The following FRMD4B variants were observed in gnomAD, a reference collection of about 807,000 sequenced individuals.
The protein encoded by FRMD4B is FERM domain-containing protein 4B.
A neutral mutation model predicts 141.5 loss-of-function variants in FRMD4B; 74 were observed. That is an observed-to-expected ratio of 0.52 (90% confidence interval 0.43 to 0.63). FRMD4B has a LOEUF of 0.63. Ranked by LOEUF, FRMD4B falls within the 30% of genes least tolerant of loss-of-function variation. FRMD4B has a pLI of 0.00. For missense variants in FRMD4B, 1,366 were observed against 1,253.4 expected (o/e 1.09, Z -1.36); for synonymous variants, 506 against 467.9 (o/e 1.08, Z -1.05).
rs1230841500 is a variant in FRMD4B at position 69,169,938 on chromosome 3, T to TA, written c.*1922dup. 1 of 152,114 alleles carries TA rather than the reference T, an allele frequency of 6.6e-6. No individual in the cohort carries two copies. The highest frequency in any genetic ancestry group is 1.5e-5 in the Non-Finnish European group (1 of 68,020). The allele number at this position is 152,114 out of a possible 1,614,324, so 9.4% of individuals were successfully genotyped here. A position where few individuals can be genotyped will look rare whatever the true frequency, so the allele number is the denominator to read the frequency against. On this transcript the variant is annotated 3_prime_UTR_variant, in exon 23 of 23. Coordinates refer to ENST00000398540, the MANE Select transcript of FRMD4B (RefSeq NM_015123.3). Reference sequence around the variant, plus strand: ...TACAAATAAACAACATTCCCAAGATTAAAAAACCTAAAAGTTCTCACCAGT... The same window carrying TA: ...TACAAATAAACAACATTCCCAAGATTAAAAAAACCTAAAAGTTCTCACCAGT...
chr3:69,198,678 GA>G lies in FRMD4B; in HGVS notation c.953+19del. ...TTGTATAGTAACTGTGTCATACAGA[GA>G]AACGTCTTTGATCCTCACCTTCGTG... On this transcript the variant is annotated intron_variant, in intron 12 of 22. Coordinates refer to ENST00000398540, the MANE Select transcript of FRMD4B (RefSeq NM_015123.3). 1 of 1,316,048 alleles carries G rather than the reference GA, an allele frequency of 7.6e-7. No individual in the cohort carries two copies. 81.5% of individuals were successfully genotyped at this position (1,316,048 alleles called of 1,614,324 possible).
At chr3:69,542,483 G>C (rs1458794401) in exon 1 of FRMD4B, 1 of 153,276 alleles carries the variant, frequency 6.5e-6, no homozygotes, top group Non-Finnish European at 1.4e-5. Context: ...GGTCGCCCCC[G>C]CCACCGCCGC....
At chr3:69,442,769 G>C (rs570500776) in intron 1 of FRMD4B, among the ~76,000 whole-genome samples, 4 of 152,262 alleles carry the variant, frequency 2.6e-5, no homozygotes. Context: ...AACCAGACCT[G>C]CTTATGAAGC....
At chr3:69,189,020 G>A (rs555768637) in intron 18 of FRMD4B, among the ~76,000 whole-genome samples, 17 of 151,886 alleles carry the variant, frequency 1.1e-4, no homozygotes, top group African/African-American at 3.1e-4. Context: ...TCAGGAGTTC[G>A]AGACTAGCCT....
At chr3:69,172,761 T>C (rs962325638) in intron 22 of FRMD4B, among the ~76,000 whole-genome samples, 4 of 152,180 alleles carry the variant, frequency 2.6e-5, no homozygotes, top group African/African-American at 9.6e-5. Flanking sequence ...CATCCTATCA[T>C]ACAAACCATT....
intron 1 of FRMD4B, among the ~76,000 whole-genome samples, chr3:69,525,085 G>T (rs1218365610): frequency 1.3e-5 from 2 of 152,216 alleles, no homozygotes; most frequent in African/African-American, 2.4e-5. Flanking sequence ...TGCAACTGGG[G>T]CAGTGTTCAG....
At chr3:69,430,133 C>G (rs1054202725) in intron 2 of FRMD4B, among the ~76,000 whole-genome samples, 2 of 151,790 alleles carry the variant, frequency 1.3e-5, no homozygotes, top group African/African-American at 4.9e-5. Flanking sequence ...AAGAGTTCTG[C>G]TTGGTACTAT....
intron 1 of FRMD4B, among the ~76,000 whole-genome samples, chr3:69,446,415 C>T (rs952520703): frequency 2.6e-5 from 4 of 152,054 alleles, no homozygotes; most frequent in African/African-American, 7.3e-5. Context: ...TCACTGCAAC[C>T]TCTGCCTCCC....
At chr3:69,230,314 A>T (rs902105041) in intron 7 of FRMD4B, among the ~76,000 whole-genome samples, 1 of 152,194 alleles carries the variant, frequency 6.6e-6, no homozygotes, top group African/African-American at 2.4e-5. Flanking sequence ...TCTAGTTTAT[A>T]TGGAGATGAA....
intron 7 of FRMD4B, among the ~76,000 whole-genome samples, chr3:69,245,379 G>T (rs575504077): frequency 2.0e-5 from 3 of 151,078 alleles, no homozygotes; most frequent in Admixed American, 6.6e-5. Context: ...TTGCTCTGTT[G>T]CCCAGGCTGG....
At chr3:69,438,517 A>G (rs1473899957) in intron 1 of FRMD4B, among the ~76,000 whole-genome samples, 1 of 152,162 alleles carries the variant, frequency 6.6e-6, no homozygotes, top group Non-Finnish European at 1.5e-5. Flanking sequence ...ACATCACTTG[A>G]ATGTGTCATT....
At chr3:69,410,726 A>AATAAATAAAT (rs1559519781) in intron 2 of FRMD4B, among the ~76,000 whole-genome samples, 12 of 86,290 alleles carry the variant, frequency 1.4e-4, no homozygotes, top group African/African-American at 4.1e-4. Flanking sequence ...TAAATAAATA[A>AATAAATAAAT]ATATATATAT....
chr3:69,535,754 A>G, intron 1 of FRMD4B: 1 of 459,632 alleles, frequency 2.2e-6, no homozygotes, highest in Non-Finnish European at 4.5e-6. Flanking sequence ...GTCTTCCTAG[A>G]CAGGTGTGCA....
At chr3:69,313,969 C>T (rs1202552641) in intron 1 of FRMD4B, among the ~76,000 whole-genome samples, 5 of 147,774 alleles carry the variant, frequency 3.4e-5, no homozygotes, top group African/African-American at 1.3e-4. Flanking sequence ...GAAACCCCGT[C>T]TCTACTAAAA....
At chr3:69,287,494 A>T (rs566722621) in intron 5 of FRMD4B, among the ~76,000 whole-genome samples, 2 of 152,280 alleles carry the variant, frequency 1.3e-5, no homozygotes, top group East Asian at 3.9e-4. Flanking sequence ...CTCTGTGTCG[A>T]TTATTTGCTG....
chr3:69,418,244 A>G (rs1314244228), intron 2 of FRMD4B, among the ~76,000 whole-genome samples: 1 of 152,198 alleles, frequency 6.6e-6, no homozygotes, highest in African/African-American at 2.4e-5. Context: ...TACCAAAAAT[A>G]TACACGGTGT....
chr3:69,267,343 T>C (rs999038641), intron 5 of FRMD4B, among the ~76,000 whole-genome samples: 2 of 151,986 alleles, frequency 1.3e-5, no homozygotes, highest in African/African-American at 4.8e-5. Flanking sequence ...CTAAATGCAA[T>C]GTGTGACCCT....
chr3:69,195,019 T>C lies in FRMD4B; in HGVS notation c.1488+3A>G, dbSNP rs756674285. ...TTGAAAGGCTCAGAGGCGTTGTTCA[T>C]ACTTCTTCACTCGGCAGCAAGTTGT... On this transcript the variant is annotated splice_donor_region_variant and intron_variant, in intron 16 of 22. Transcript: ENST00000398540. The C allele has an allele frequency of 1.6e-5, 25 of 1,612,906 alleles. No homozygotes were observed. Among genetic ancestry groups the C allele is most frequent in the Non-Finnish European group, 2.0e-5 (24 of 1,179,244 alleles).
chr3:69,493,632 C>A (rs1238167692), intron 1 of FRMD4B, among the ~76,000 whole-genome samples: 3 of 152,146 alleles, frequency 2.0e-5, no homozygotes, highest in Non-Finnish European at 4.4e-5. Context: ...GCCCTCCTAG[C>A]ATTTACAGCC....
Sources: allele counts gnomAD v4.1 joint callset (sites outside exome capture counted in the v4.1 genomes callset), GRCh38; gene constraint gnomAD v4.1.1; transcripts MANE v1.5; gene names NCBI Gene and HGNC (gene_info 2026-07-23, HGNC 2026-07-21).